CHD7: variants seen among roughly 807,000 people sequenced by gnomAD.
CHD7 encodes the protein ATP-dependent chromatin remodeler CHD7.
Under a neutral mutation model 307.3 loss-of-function variants are expected in CHD7, and 24 were observed. The ratio of observed to expected loss-of-function variants is 0.08; its 90% confidence interval spans 0.06 to 0.11. The LOEUF (loss-of-function observed/expected upper bound fraction) is 0.11. Ranked by LOEUF, CHD7 falls within the 10% of genes least tolerant of loss-of-function variation. The probability of loss-of-function intolerance (pLI) is 1.00; values close to 1 mark genes in which losing one functional copy is unlikely to be tolerated. For synonymous variants in CHD7, 1,363 were observed against 1,349.9 expected, an observed-to-expected ratio of 1.01 and a Z score of -0.21; for missense variants, 3,106 against 3,727.1, an observed-to-expected ratio of 0.83 and a Z score of 4.34.
intron 17 of CHD7, 123 bp downstream of exon 17, chr8:60,837,135 C>A: frequency 1.3e-6 from 1 of 741,254 alleles, no homozygotes. Context: ...TCCTATGATT[C>A]AGAGCAAATA....
chr8:60,711,563 A>G (rs754717780), intron 1 of CHD7, among the ~76,000 whole-genome samples: 1 of 152,208 alleles, frequency 6.6e-6, no homozygotes, highest in Non-Finnish European at 1.5e-5. Context: ...TTGACTTTAG[A>G]TGTTGAGCGA....
intron 1 of CHD7, among the ~76,000 whole-genome samples, chr8:60,714,375 C>T (rs1203426053): frequency 1.3e-5 from 2 of 149,244 alleles, no homozygotes; most frequent in Non-Finnish European, 3.0e-5. Context: ...CCGAGCCCCA[C>T]CTGGCCTGAC....
At chr8:60,739,200 G>A (rs887886706) in intron 1 of CHD7, among the ~76,000 whole-genome samples, 5 of 152,118 alleles carry the variant, frequency 3.3e-5, no homozygotes, top group African/African-American at 9.7e-5. Context: ...AACAGTTGGC[G>A]GACCCTGGAG....
chr8:60,845,779 T>C (rs1406601181), intron 23 of CHD7, among the ~76,000 whole-genome samples: 2 of 152,210 alleles, frequency 1.3e-5, no homozygotes, highest in Non-Finnish European at 2.9e-5. Flanking sequence ...AAGTGAACAA[T>C]TCATTGGCAT....
In CHD7 at chr8:60,852,594, T is replaced by G. The variant is rs1205740831; in HGVS notation, c.5991T>G (p.Phe1997Leu). 6.2e-7 allele frequency: 1 copy of G among 1,613,870 alleles called. No individual in the cohort carries two copies. Among genetic ancestry groups the G allele is most frequent in the Non-Finnish European group, 8.5e-7 (1 of 1,179,900 alleles). The stretch of plus-strand genomic sequence containing the variant: ...AACAGCAATTTGACTGGAACCAATT[T>G]AGAGCCTTTGCCAGGCTTGACAAAA... ...PVKQQFDWNQ[F>L]RAFARLDKKS... Residue 1997 changes from phenylalanine to leucine, a missense_variant, in exon 30 of 38, where the codon TTT becomes TTG. Physicochemically the swap from Phe to Leu is conservative, Grantham distance 22. Transcript: ENST00000423902.
intron 3 of CHD7, among the ~76,000 whole-genome samples, 166 bp from the exon 4 acceptor site, chr8:60,794,820 G>C (rs1811940676): frequency 6.6e-6 from 1 of 152,118 alleles, no homozygotes; most frequent in African/African-American, 2.4e-5. Flanking sequence ...TTAATATGGA[G>C]TTTTGCCAGG....
chr8:60,800,656 T>C (rs756609286), intron 5 of CHD7, 131 bp downstream of exon 5: 1 of 887,856 alleles, frequency 1.1e-6, no homozygotes, highest in Non-Finnish European at 1.7e-6. Context: ...TGTTGGATAA[T>C]GTGCTATGGG....
intron 1 of CHD7, among the ~76,000 whole-genome samples, chr8:60,709,366 C>A (rs1025531915): frequency 1.3e-5 from 2 of 152,120 alleles, no homozygotes; most frequent in Non-Finnish European, 2.9e-5. Context: ...AAATCACCAA[C>A]GTTTATTCAC....
chr8:60,754,872 T>C (rs1444431426), intron 2 of CHD7, among the ~76,000 whole-genome samples: 1 of 152,210 alleles, frequency 6.6e-6, no homozygotes. Flanking sequence ...ATATATGTAG[T>C]TCTACATAGA....
chr8:60,856,541 A>T lies in CHD7; in HGVS notation c.7261A>T (p.Met2421Leu). The change falls in exon 34 of 38, where the codon ATG (methionine) becomes TTG (leucine). Residue 2421 changes from methionine to leucine, a missense_variant. Met to Leu is a conservative substitution (Grantham distance 15, BLOSUM62 2). Transcript: ENST00000423902. ...AERAAKRRNL[M>L]EMVAQLRESQ... ...AAGAGCTGCCAAGAGGCGAAATCTC[A>T]TGGAGATGGTTGCCCAGCTTCGAGA... 1 of 1,613,216 alleles carries T rather than the reference A, an allele frequency of 6.2e-7. No individual in the cohort carries two copies. The highest frequency in any genetic ancestry group is 8.5e-7 in the Non-Finnish European group (1 of 1,179,170).
At chr8:60,696,711 A>G (rs1670548712) in intron 1 of CHD7, among the ~76,000 whole-genome samples, 1 of 152,172 alleles carries the variant, frequency 6.6e-6, no homozygotes, top group Middle Eastern at 3.4e-3. Flanking sequence ...CTGATACTGT[A>G]TATGGAAGGA....
At chr8:60,822,267 G>A (rs1265202223) in intron 11 of CHD7, 122 bp downstream of exon 11, 9 of 835,418 alleles carry the variant, frequency 1.1e-5, no homozygotes, top group Non-Finnish European at 1.4e-5. Flanking sequence ...CAAAAAACAA[G>A]CATTGAAAAT....
At chr8:60,713,762 A>G (rs1807403208) in intron 1 of CHD7, among the ~76,000 whole-genome samples, 1 of 152,130 alleles carries the variant, frequency 6.6e-6, no homozygotes, top group African/African-American at 2.4e-5. Context: ...GAAGCCAGGG[A>G]AAACGCATCC....
intron 30 of CHD7, 56 bp downstream of exon 30, chr8:60,852,762 A>G: frequency 6.2e-7 from 1 of 1,610,996 alleles, no homozygotes; most frequent in South Asian, 1.1e-5. Context: ...GTGAAAAATA[A>G]GAAAGTGTAC....
rs1809061159 is a variant in CHD7 at position 60,742,102 on chromosome 8, A to G, written c.670A>G (p.Asn224Asp). 1.2e-6 allele frequency: 2 copies of G among 1,613,816 alleles called. No individual in the cohort carries two copies. The highest frequency in any genetic ancestry group is 2.2e-5 in the South Asian group (2 of 91,092). ...AGGCCAAGAGGGCCTCAATCAGGGA[A>G]ATCCTTTTATTGCCACCTCAGGACC... ...SQGQEGLNQGNPFIATSGPGH... is the reference protein window; with the variant it reads ...SQGQEGLNQGDPFIATSGPGH... The change falls in exon 2 of 38, where the codon AAT (asparagine) becomes GAT (aspartate). Residue 224 changes from asparagine (N) to aspartate (D), a missense_variant. Asn to Asp is a conservative substitution (Grantham distance 23, BLOSUM62 1). Coordinates refer to ENST00000423902, the MANE Select transcript of CHD7 (RefSeq NM_017780.4).
chr8:60,784,402 C>G (rs1297706294), intron 3 of CHD7, among the ~76,000 whole-genome samples: 1 of 152,190 alleles, frequency 6.6e-6, no homozygotes, highest in African/African-American at 2.4e-5. Context: ...CACAGAACTG[C>G]TGACATCTTT....
intron 1 of CHD7, among the ~76,000 whole-genome samples, chr8:60,687,899 T>C (rs935512037): frequency 6.6e-6 from 1 of 152,264 alleles, no homozygotes; most frequent in African/African-American, 2.4e-5. Context: ...AGCATGGTGC[T>C]GCTGTTGCCA....
rs1298523170 is a variant in CHD7, at chr8:60,822,024, G to C, written c.2836G>C (p.Glu946Gln). The change falls in exon 11 of 38, where the codon GAG (glutamate) becomes CAG (glutamine). Residue 946 changes from glutamate to glutamine, a missense_variant and splice_region_variant. Physicochemically the swap from Glu to Gln is conservative, Grantham distance 29. This residue lies in a region of CHD7 where 188 missense variants were observed against 261.7 expected (regional missense o/e 0.72). Transcript: ENST00000423902. ...MSREPETERV[E>Q]RPPADDWKKS... is the part of the protein sequence containing the mutation. ...ATGGGATTTACTATATTTGAAACAG[G>C]AGCGACCTCCTGCTGATGATTGGAA... is the stretch of plus-strand genomic sequence containing the variant. 1 of 1,613,746 alleles carries C rather than the reference G, an allele frequency of 6.2e-7. No individual in the cohort carries two copies. The highest frequency in any genetic ancestry group is 8.5e-7 in the Non-Finnish European group (1 of 1,179,782).
intron 2 of CHD7, among the ~76,000 whole-genome samples, chr8:60,770,958 G>C (rs556011218): frequency 6.6e-6 from 1 of 152,154 alleles, no homozygotes; most frequent in Non-Finnish European, 1.5e-5. Context: ...GAGGTTGCCT[G>C]GTTTGAATCT....
Sources: gnomAD v4.1 joint callset for allele counts (sites outside exome capture counted in the v4.1 genomes callset) on GRCh38, gnomAD v4.1.1 for gene constraint, gnomAD v4.1.1 regional missense constraint, MANE v1.5 for transcripts, NCBI Gene and HGNC (gene_info 2026-07-23, HGNC 2026-07-21) for gene names.